ERI1: variants seen among roughly 807,000 people sequenced by gnomAD.
The protein encoded by ERI1 is 3'-5' exoribonuclease 1.
ERI1 carries 39 observed loss-of-function variants against 39.7 expected under a neutral mutation model. That is an observed-to-expected ratio of 0.98 (90% CI 0.76 to 1.28). The LOEUF (loss-of-function observed/expected upper bound fraction) is 1.28. Among genes scored for constraint, ERI1 ranks in the 50% most tolerant of loss-of-function variants. ERI1 has a pLI of 0.00. For synonymous variants in ERI1, 204 were observed against 149.6 expected (o/e 1.36, Z -2.65); for missense variants, 581 against 416.9 (o/e 1.39, Z -3.43).
intron 6 of ERI1, among the ~76,000 whole-genome samples, chr8:9,024,672 C>A (rs114807283): frequency 2.0e-5 from 3 of 152,072 alleles, no homozygotes; most frequent in Admixed American, 6.6e-5. Context: ...GATCTGCCCC[C>A]CCTCGGCCTC....
intron 3 of ERI1, among the ~76,000 whole-genome samples, chr8:9,074,726 C>T (rs562444202): frequency 1.3e-5 from 2 of 152,214 alleles, no homozygotes; most frequent in Admixed American, 6.5e-5. Flanking sequence ...TGAGCCACTG[C>T]GCCCAGCCAG....
intron 3 of ERI1, among the ~76,000 whole-genome samples, chr8:9,038,847 T>C (rs1797932494): frequency 6.6e-6 from 1 of 152,244 alleles, no homozygotes; most frequent in Non-Finnish European, 1.5e-5. Context: ...TTAGTTTATA[T>C]ATCTGGATTA....
At chr8:9,046,302 C>G (rs1244495554) in intron 3 of ERI1, among the ~76,000 whole-genome samples, 1 of 152,172 alleles carries the variant, frequency 6.6e-6, no homozygotes, top group East Asian at 1.9e-4. Context: ...AGTGACATTT[C>G]TCCTTGCAGC....
downstream of ERI1, among the ~76,000 whole-genome samples, chr8:9,035,901 G>T (rs1229052694): frequency 6.6e-6 from 1 of 152,140 alleles, no homozygotes; most frequent in East Asian, 1.9e-4. Context: ...ACCTTAACAG[G>T]AATTTGCAAG....
rs570460563 is a variant in ERI1, at chr8:9,039,293, G to C, written n.299+18829G>C. Among the ~76,000 whole-genome samples, 36 of 152,060 alleles carry C rather than the reference G, an allele frequency of 2.4e-4. No individual in the cohort carries two copies. In the South Asian group the frequency reaches 7.3e-3, roughly 31 times the overall value. On this transcript the variant is annotated intron_variant and non_coding_transcript_variant, in intron 3 of 3. Coordinates refer to the ERI1 transcript ENST00000518663. ...TAAATATATTTTTATTATATGTTTC[G>C]TCAAAACCTTGGAGCTACAGATTTA...
rs182996199 is a variant in ERI1, at chr8:9,024,375, A to T, written c.807+3911A>T. Among the ~76,000 whole-genome samples, 33 of 152,180 alleles carry T rather than the reference A, an allele frequency of 2.2e-4. No individual in the cohort carries two copies. In the East Asian group the frequency reaches 6.2e-3, roughly 28 times the overall value. On this transcript the variant is annotated intron_variant, in intron 6 of 6. Transcript: ENST00000250263. The stretch of plus-strand genomic sequence containing the variant: ...GGAGTTAGCATTTACAAAATTATAC[A>T]GCTGTTTCTTTTTGCTTTTCTCTTC...
rs571777681 is a variant in ERI1 at position 9,072,191 on chromosome 8, G to C, written n.300-44157G>C. On this transcript the variant is annotated intron_variant and non_coding_transcript_variant, in intron 3 of 3. Transcript: ENST00000518663. The stretch of plus-strand genomic sequence containing the variant: ...ACGTTTGACAATAGCTTTCCTTTTG[G>C]GTGATCAGTGTCCTTTGGTTTTACC... Among the ~76,000 whole-genome samples the C allele has an allele frequency of 8.5e-5, 13 of 152,220 alleles. No individual in the cohort carries two copies. In the East Asian group the frequency reaches 2.5e-3, roughly 29 times the overall value.
intron 3 of ERI1, among the ~76,000 whole-genome samples, chr8:9,092,619 G>A (rs972208214): frequency 3.9e-5 from 6 of 152,182 alleles, no homozygotes; most frequent in South Asian, 2.1e-4. Context: ...GATGCATGAC[G>A]GCTGTGAGCT....
intron 6 of ERI1, among the ~76,000 whole-genome samples, chr8:9,023,377 C>T (rs1432530819): frequency 6.6e-6 from 1 of 152,010 alleles, no homozygotes; most frequent in Non-Finnish European, 1.5e-5. Context: ...TTTGCTACAA[C>T]TCCCAGATGG....
chr8:9,013,504 C>G (rs547963143), intron 3 of ERI1, among the ~76,000 whole-genome samples: 1 of 151,898 alleles, frequency 6.6e-6, no homozygotes, highest in African/African-American at 2.4e-5. Context: ...TCAGATGACC[C>G]AGGTCTCAAT....
At chr8:9,077,083 G>A (rs1345567615) in intron 3 of ERI1, among the ~76,000 whole-genome samples, 2 of 152,216 alleles carry the variant, frequency 1.3e-5, no homozygotes, top group African/African-American at 4.8e-5. Context: ...TGGTCAGAAT[G>A]TTTATTAGCT....
chr8:9,069,658 C>A (rs185817952), intron 3 of ERI1, among the ~76,000 whole-genome samples: 1 of 152,260 alleles, frequency 6.6e-6, no homozygotes, highest in Admixed American at 6.5e-5. Flanking sequence ...CAAGATCATT[C>A]GTATCTCAGC....
intron 3 of ERI1, chr8:9,062,666 T>G (rs1354119678): frequency 6.7e-6 from 1 of 150,334 alleles, no homozygotes; most frequent in African/African-American, 2.4e-5. Flanking sequence ...GATGGTCCTG[T>G]AGGCTTCCGA....
chr8:9,016,402 T>G lies in ERI1; in HGVS notation c.579T>G (p.Thr193=). ...SDFCISLTGI[T]QDQVDRADTF... is the part of the protein sequence containing the mutation. Reference sequence around the variant, plus strand: ...TCTGCATCAGTCTAACTGGAATTACTCAGGTTATAATTCTAAGTTCTTCTT... The same window carrying G: ...TCTGCATCAGTCTAACTGGAATTACGCAGGTTATAATTCTAAGTTCTTCTT... The change falls in exon 4 of 7, where the codon ACT becomes ACG. Residue 193 remains threonine (T), a synonymous_variant. Coordinates refer to ENST00000250263, the MANE Select transcript of ERI1 (RefSeq NM_153332.4). 1 of 1,592,532 alleles carries G rather than the reference T, an allele frequency of 6.3e-7. No individual in the cohort carries two copies. Among genetic ancestry groups the G allele is most frequent in the Non-Finnish European group, 8.6e-7 (1 of 1,165,304 alleles).
In ERI1 at chr8:9,044,386, G is replaced by T. The variant is rs60317720; in HGVS notation, n.299+23922G>T. 8.2e-3 allele frequency among the ~76,000 whole-genome samples: 1,243 copies of T among 152,262 alleles called. 14 individuals carry two copies. The highest frequency in any genetic ancestry group is 0.028 in the African/African-American group (1,157 of 41,556). ...ACTTTGGTGTGGGAATCAGGAGGAT[G>T]TGAGGAACAGAAGGGAAGCCAGCGA... On this transcript the variant is annotated intron_variant and non_coding_transcript_variant, in intron 3 of 3. Transcript: ENST00000518663.
intron 6 of ERI1, among the ~76,000 whole-genome samples, chr8:9,026,269 A>G (rs1007250020): frequency 6.6e-6 from 1 of 152,132 alleles, no homozygotes; most frequent in Non-Finnish European, 1.5e-5. Flanking sequence ...AATGCTCTCA[A>G]TCATTTTTAA....
In ERI1 at chr8:9,059,970, G is replaced by A. The variant is rs565463653; in HGVS notation, n.299+39506G>A. Among the ~76,000 whole-genome samples, 107 of 152,268 alleles carry A rather than the reference G, an allele frequency of 7.0e-4. 1 individual carries two copies. Among genetic ancestry groups the A allele is most frequent in the Middle Eastern group, 3.4e-3 (1 of 294 alleles). ...GAGCGTCCATACAGGAGCTCAAATG[G>A]GCTGTACCCTGTAGCATTCCGAGGA... On this transcript the variant is annotated intron_variant and non_coding_transcript_variant, in intron 3 of 3. Coordinates refer to the ERI1 transcript ENST00000518663.
downstream of ERI1, among the ~76,000 whole-genome samples, chr8:9,036,102 C>G (rs1478233606): frequency 6.6e-6 from 1 of 152,190 alleles, no homozygotes; most frequent in Admixed American, 6.5e-5. Context: ...GAGATGGAAT[C>G]TATTCCTGGT....
intron 2 of ERI1, 23 bp downstream of exon 2, chr8:9,008,171 A>T: frequency 6.6e-7 from 1 of 1,513,504 alleles, no homozygotes; most frequent in African/African-American, 1.4e-5. Context: ...AACTTATAAA[A>T]TTATAAAAGT....
Sources: gnomAD v4.1 joint callset for allele counts (sites outside exome capture counted in the v4.1 genomes callset) on GRCh38, gnomAD v4.1.1 for gene constraint, MANE v1.5 for transcripts, NCBI Gene and HGNC (gene_info 2026-07-23, HGNC 2026-07-21) for gene names.